The following CDH13 variants were observed in gnomAD, a reference collection of about 807,000 sequenced individuals.
CDH13 encodes cadherin-13.
CDH13 carries 24 observed loss-of-function variants against 63.8 expected under a neutral mutation model. The observed-to-expected ratio is 0.38, with a 90% confidence interval of 0.27 to 0.53. The LOEUF is 0.53. Ranked by LOEUF, CDH13 falls within the 20% of genes least tolerant of loss-of-function variation. CDH13 has a pLI of 0.85. For missense variants in CDH13, 1,049 were observed against 903.1 expected (o/e 1.16, Z -2.07); for synonymous variants, 503 against 355.3 (o/e 1.42, Z -4.67).
chr16:82,949,960 G>A (rs900860832), intron 2 of CDH13, among the ~76,000 whole-genome samples: 1 of 152,012 alleles, frequency 6.6e-6, no homozygotes, highest in Non-Finnish European at 1.5e-5. Context: ...GATTTCTCTT[G>A]GTTGCAAGCA....
rs112538494 is a variant in CDH13 at position 83,428,231 on chromosome 16, A to G, written c.782-58246A>G. Among the ~76,000 whole-genome samples the G allele has an allele frequency of 5.9e-5, 9 of 152,328 alleles. 1 individual carries two copies. Among genetic ancestry groups the G allele is most frequent in the African/African-American group, 1.9e-4 (8 of 41,574 alleles). ...CATGTGACCTTCCATGGGATCCAAGAGGGATTCAATGACTGAGAAACACAG... is the reference window on the plus strand; with the variant it reads ...CATGTGACCTTCCATGGGATCCAAGGGGGATTCAATGACTGAGAAACACAG... On this transcript the variant is annotated intron_variant, in intron 6 of 13. Transcript: ENST00000567109.
At chr16:82,719,614 G>C in intron 1 of CDH13, 1 of 348,652 alleles carries the variant, frequency 2.9e-6, no homozygotes, top group Non-Finnish European at 5.7e-6. Context: ...GACAAGCCAA[G>C]GTGGGTGGAT....
At chr16:83,267,484 T>C (rs2088659974) in intron 5 of CDH13, among the ~76,000 whole-genome samples, 2 of 152,154 alleles carry the variant, frequency 1.3e-5, no homozygotes, top group Admixed American at 6.5e-5. Flanking sequence ...AAAACTCACG[T>C]TGAAATTTAA....
At chr16:83,182,475 T>G (rs2038375896) in intron 4 of CDH13, among the ~76,000 whole-genome samples, 1 of 152,212 alleles carries the variant, frequency 6.6e-6, no homozygotes, top group Non-Finnish European at 1.5e-5. Context: ...TGTTGGATGG[T>G]CATGTGTGTT....
At chr16:82,843,459 AG>A (rs1465542143) in intron 1 of CDH13, among the ~76,000 whole-genome samples, 2 of 152,220 alleles carry the variant, frequency 1.3e-5, no homozygotes, top group African/African-American at 4.8e-5. Context: ...ACTCCGACCC[AG>A]GGGAAGATAT....
chr16:83,319,171 A>C (rs530458063), intron 5 of CDH13, among the ~76,000 whole-genome samples: 14 of 152,188 alleles, frequency 9.2e-5, no homozygotes, highest in Admixed American at 8.5e-4. Context: ...CTCTTATAGA[A>C]CTATAATTTA....
chr16:82,752,953 A>G (rs965262958), intron 1 of CDH13, among the ~76,000 whole-genome samples: 2 of 152,268 alleles, frequency 1.3e-5, no homozygotes, highest in South Asian at 4.1e-4. Flanking sequence ...CATAGATAAC[A>G]GTCAAATACA....
intron 1 of CDH13, among the ~76,000 whole-genome samples, chr16:82,851,197 A>G (rs376991204): frequency 2.7e-4 from 41 of 152,202 alleles, no homozygotes; most frequent in Middle Eastern, 3.4e-3. Flanking sequence ...GCCCTTTGGG[A>G]GGCTGAGGCG....
chr16:82,756,079 G>A (rs985000393), intron 1 of CDH13, among the ~76,000 whole-genome samples: 1 of 152,190 alleles, frequency 6.6e-6, no homozygotes, highest in Non-Finnish European at 1.5e-5. Flanking sequence ...CACAAGATCA[G>A]TGTTCAATAT....
chr16:83,144,824 T>C (rs2036678476), intron 4 of CDH13, among the ~76,000 whole-genome samples: 1 of 152,214 alleles, frequency 6.6e-6, no homozygotes. Flanking sequence ...AACAGTCTCC[T>C]CTTTTGCAAA....
intron 1 of CDH13, among the ~76,000 whole-genome samples, chr16:82,739,284 C>G (rs2033825777): frequency 6.6e-6 from 1 of 152,130 alleles, no homozygotes; most frequent in Non-Finnish European, 1.5e-5. Context: ...GACAAGCTGA[C>G]CACCTACTTT....
At chr16:83,657,130 T>G (rs148724664) in intron 8 of CDH13, among the ~76,000 whole-genome samples, 5 of 152,370 alleles carry the variant, frequency 3.3e-5, no homozygotes, top group South Asian at 2.1e-4. Flanking sequence ...AAATGAATGA[T>G]GTAGGCTCTT....
intron 5 of CDH13, among the ~76,000 whole-genome samples, chr16:83,297,044 G>A (rs991530641): frequency 2.0e-5 from 3 of 152,188 alleles, no homozygotes; most frequent in African/African-American, 7.2e-5. Context: ...AGGGACTTCT[G>A]GAAGGCTGTG....
intron 5 of CDH13, among the ~76,000 whole-genome samples, chr16:83,225,613 G>A (rs529539672): frequency 6.6e-6 from 1 of 152,292 alleles, no homozygotes; most frequent in Non-Finnish European, 1.5e-5. Context: ...ATCTGCCTTA[G>A]TAGATCTGTG....
chr16:82,935,583 C>G (rs2042641895), intron 2 of CDH13, among the ~76,000 whole-genome samples: 1 of 152,130 alleles, frequency 6.6e-6, no homozygotes, highest in Admixed American at 6.5e-5. Context: ...TTTCAGAAAA[C>G]TGATTCTTAA....
At chr16:82,706,123 C>A (rs921808959) in intron 1 of CDH13, among the ~76,000 whole-genome samples, 1 of 151,936 alleles carries the variant, frequency 6.6e-6, no homozygotes, top group Admixed American at 6.6e-5. Context: ...CCCTTCTCTC[C>A]TCCCCATCTT....
intron 3 of CDH13, among the ~76,000 whole-genome samples, chr16:83,107,458 C>G (rs1449991292): frequency 6.6e-6 from 1 of 152,216 alleles, no homozygotes; most frequent in East Asian, 1.9e-4. Context: ...GAGATTGACA[C>G]ACTATCTTCC....
At chr16:83,151,559 G>A (rs2036981560) in intron 4 of CDH13, among the ~76,000 whole-genome samples, 1 of 152,144 alleles carries the variant, frequency 6.6e-6, no homozygotes, top group Non-Finnish European at 1.5e-5. Context: ...TGGACAAGAA[G>A]TTCTAGAGAG....
chr16:83,403,796 G>A lies in CDH13; in HGVS notation c.781+58790G>A, dbSNP rs533369799. On this transcript the variant is annotated intron_variant, in intron 6 of 13. Transcript: ENST00000567109. Reference sequence around the variant, plus strand: ...CCTCCACCAACATGGAATCCATAGAGAATATTCTTACCTAGATACAAAAAG... The same window carrying A: ...CCTCCACCAACATGGAATCCATAGAAAATATTCTTACCTAGATACAAAAAG... Among the ~76,000 whole-genome samples, 12 of 152,170 alleles carry A rather than the reference G, an allele frequency of 7.9e-5. No individual in the cohort carries two copies. The South Asian group carries it at 2.3e-3, about 29-fold the overall frequency.
Sources: gnomAD v4.1 joint callset for allele counts (sites outside exome capture counted in the v4.1 genomes callset) on GRCh38, gnomAD v4.1.1 for gene constraint, MANE v1.5 for transcripts, NCBI Gene and HGNC (gene_info 2026-07-23, HGNC 2026-07-21) for gene names.